The following VGLL3 variants were observed in gnomAD, a reference collection of about 807,000 sequenced individuals.
VGLL3 encodes vestigial like family member 3, also known as transcription cofactor vestigial-like protein 3.
Under a neutral mutation model 29.2 loss-of-function variants are expected in VGLL3, and 18 were observed. The ratio of observed to expected loss-of-function variants is 0.62; its 90% CI spans 0.43 to 0.91. The LOEUF (loss-of-function observed/expected upper bound fraction) is 0.91, where lower values mean the gene tolerates loss of function less well. VGLL3 is among the 40% of genes least tolerant of loss of function. The pLI, the probability that VGLL3 is intolerant of heterozygous loss-of-function variation, is 0.00. For synonymous variants in VGLL3, 180 were observed against 151.8 expected, an observed-to-expected ratio of 1.19 and a Z score of -1.36; for missense variants, 440 against 413.2, an observed-to-expected ratio of 1.06 and a Z score of -0.56.
Position 86,961,992 on chromosome 3 carries a change from G to A in VGLL3, c.937+6598C>T, listed in dbSNP as rs1704856370. 8 of 982,178 alleles carry A rather than the reference G, an allele frequency of 8.1e-6. No individual in the cohort carries two copies. In the South Asian group the frequency reaches 3.8e-4, roughly 46 times the overall value. 60.8% of individuals were successfully genotyped at this position (982,178 alleles called of 1,614,324 possible). ...GTGATCTCTAAGAGGTATATGGTAG[G>A]CAATGTAAATAAATTCATTTGATAA... On this transcript the variant is annotated intron_variant, in intron 3 of 3. Transcript: ENST00000398399.
In VGLL3 at chr3:86,938,530, C is replaced by A. The variant is rs1704324328; in HGVS notation, c.*8494G>T. 1 of 152,596 alleles carries A rather than the reference C, an allele frequency of 6.6e-6. No individual in the cohort carries two copies. The highest frequency in any genetic ancestry group is 1.5e-5 in the Non-Finnish European group (1 of 68,030). The allele number at this position is 152,596 out of a possible 1,614,324, so 9.5% of individuals were successfully genotyped here. Reference sequence around the variant, plus strand: ...CTCTGTTGCTATATTTGGCTCTCTGCAAATAGTCTCTTGTACAAGTGCAAA... The same window carrying A: ...CTCTGTTGCTATATTTGGCTCTCTGAAAATAGTCTCTTGTACAAGTGCAAA... On this transcript the variant is annotated 3_prime_UTR_variant, in exon 4 of 4. Transcript: ENST00000398399.
At chr3:86,964,872 T>A (rs551290591) in intron 3 of VGLL3, among the ~76,000 whole-genome samples, 1 of 152,258 alleles carries the variant, frequency 6.6e-6, no homozygotes, top group Non-Finnish European at 1.5e-5. Context: ...AAATTTCATG[T>A]TTTTAGGCCG....
intron 1 of VGLL3, 129 bp downstream of exon 1, chr3:86,990,489 A>C (rs949179272): frequency 7.1e-6 from 9 of 1,264,612 alleles, no homozygotes; most frequent in Non-Finnish European, 8.0e-6. Context: ...TTTCTGCTCA[A>C]GGACGCTCCC....
chr3:86,964,786 G>T (rs1397174682), intron 3 of VGLL3, among the ~76,000 whole-genome samples: 1 of 152,166 alleles, frequency 6.6e-6, no homozygotes. Flanking sequence ...AATTTCTGTT[G>T]TTTATAAGCT....
chr3:86,989,105 A>G (rs979472814), intron 1 of VGLL3, among the ~76,000 whole-genome samples: 2 of 152,150 alleles, frequency 1.3e-5, no homozygotes, highest in Admixed American at 1.3e-4. Context: ...TACAGTATTA[A>G]CTCCACACCA....
chr3:86,967,768 C>T (rs1387704631), intron 3 of VGLL3, among the ~76,000 whole-genome samples: 1 of 152,182 alleles, frequency 6.6e-6, no homozygotes, highest in African/African-American at 2.4e-5. Context: ...CCTATGATTT[C>T]ATGAGCTCAG....
At chr3:86,978,831 C>G (rs1559732448) in intron 1 of VGLL3, 29 bp from the exon 2 acceptor site, 1 of 1,537,726 alleles carries the variant, frequency 6.5e-7, no homozygotes, top group Non-Finnish European at 8.7e-7. Context: ...AACACAGTAT[C>G]AAAGACAGTT....
rs1010910211 is a variant in VGLL3, at chr3:86,985,908, A to G, written c.126+4710T>C. On this transcript the variant is annotated intron_variant, in intron 1 of 3. Transcript: ENST00000398399. ...ACCAAGCTAAGCACCCAGGTCTTAG[A>G]ATGACAGTCACCTAGCTTACAAGTT... is the stretch of plus-strand genomic sequence containing the variant. 4.6e-5 allele frequency among the ~76,000 whole-genome samples: 7 copies of G among 152,304 alleles called. No individual in the cohort carries two copies. The East Asian group carries it at 1.3e-3, about 29-fold the overall frequency.
intron 3 of VGLL3, among the ~76,000 whole-genome samples, chr3:86,961,179 A>G (rs964722629): frequency 6.6e-6 from 1 of 152,086 alleles, no homozygotes; most frequent in Non-Finnish European, 1.5e-5. Flanking sequence ...CTACAGATGA[A>G]TACAATCTCA....
At chr3:86,956,963 T>C (rs2106980658) in intron 3 of VGLL3, among the ~76,000 whole-genome samples, 2 of 152,350 alleles carry the variant, frequency 1.3e-5, no homozygotes, top group East Asian at 1.9e-4. Context: ...GCATTTATTA[T>C]TGAAGTTTTG....
chr3:86,973,240 TAA>T (rs1705141421), intron 2 of VGLL3, among the ~76,000 whole-genome samples: 1 of 152,184 alleles, frequency 6.6e-6, no homozygotes, highest in South Asian at 2.1e-4. Context: ...ATAGAAACTC[TAA>T]GTCATCTTAA....
chr3:86,960,043 C>A (rs951108692), intron 3 of VGLL3, among the ~76,000 whole-genome samples: 6 of 152,034 alleles, frequency 3.9e-5, no homozygotes, highest in African/African-American at 1.4e-4. Context: ...CTGTACCTAA[C>A]AAAACCAAGA....
chr3:86,977,400 C>A (rs1188108019), intron 2 of VGLL3, among the ~76,000 whole-genome samples: 1 of 152,188 alleles, frequency 6.6e-6, no homozygotes, highest in East Asian at 1.9e-4. Context: ...CCACTAGTCA[C>A]TGCTCACTGC....
At chr3:86,963,868 G>T (rs72916069) in intron 3 of VGLL3, among the ~76,000 whole-genome samples, 1 of 152,072 alleles carries the variant, frequency 6.6e-6, no homozygotes, top group Non-Finnish European at 1.5e-5. Flanking sequence ...AGCTCATGCC[G>T]TCCACTAACT....
At chr3:86,964,581 A>C (rs1704920027) in intron 3 of VGLL3, among the ~76,000 whole-genome samples, 1 of 152,196 alleles carries the variant, frequency 6.6e-6, no homozygotes, top group Non-Finnish European at 1.5e-5. Flanking sequence ...CTTAGAAGGT[A>C]ATTAGGTTAT....
intron 3 of VGLL3, among the ~76,000 whole-genome samples, chr3:86,959,800 G>A (rs973698926): frequency 2.0e-5 from 3 of 152,074 alleles, no homozygotes; most frequent in African/African-American, 4.8e-5. Flanking sequence ...GTGTTATTTA[G>A]CAAGGTTATT....
intron 3 of VGLL3, among the ~76,000 whole-genome samples, chr3:86,956,190 C>T (rs72916062): frequency 0.081 from 12,295 of 152,200 alleles, 1,316 homozygotes; most frequent in African/African-American, 0.24. Flanking sequence ...TGAGCTGTTC[C>T]TTTAGATGCA....
At chr3:86,964,090 T>C (rs1704911721) in intron 3 of VGLL3, among the ~76,000 whole-genome samples, 1 of 152,046 alleles carries the variant, frequency 6.6e-6, no homozygotes, top group South Asian at 2.1e-4. Flanking sequence ...AATTTTTCAG[T>C]GGTTGGAAGA....
intron 1 of VGLL3, among the ~76,000 whole-genome samples, chr3:86,986,946 A>C (rs887160403): frequency 6.6e-6 from 1 of 152,192 alleles, no homozygotes; most frequent in Admixed American, 6.5e-5. Flanking sequence ...CCAACGCCAA[A>C]GAATCTATTG....
Sources: allele counts gnomAD v4.1 joint callset (sites outside exome capture counted in the v4.1 genomes callset), GRCh38; gene constraint gnomAD v4.1.1; transcripts MANE v1.5; gene names NCBI Gene and HGNC (gene_info 2026-07-23, HGNC 2026-07-21).